The following RNF111 variants were observed in gnomAD, a reference collection of about 807,000 sequenced individuals.
The protein encoded by RNF111 is E3 ubiquitin-protein ligase Arkadia.
In RNF111, 17 loss-of-function variants were observed where a neutral mutation model predicts 95.1. That is an observed-to-expected ratio of 0.18 (90% CI 0.12 to 0.27). The LOEUF is 0.27. Ranked by LOEUF, RNF111 falls within the 10% of genes least tolerant of loss-of-function variation. The probability of loss-of-function intolerance (pLI) is 1.00; values close to 1 mark genes in which losing one functional copy is unlikely to be tolerated. For missense variants in RNF111, 1,189 were observed against 1,210.4 expected (o/e 0.98, Z 0.26); for synonymous variants, 440 against 414.8 (o/e 1.06, Z -0.74).
intron 13 of RNF111, among the ~76,000 whole-genome samples, chr15:59,094,530 T>G (rs1311045753): frequency 1.3e-5 from 2 of 152,180 alleles, no homozygotes; most frequent in Non-Finnish European, 2.9e-5. Flanking sequence ...ACTGGAATAA[T>G]TGGCAGTGTA....
chr15:59,078,565 A>AC (rs2078636811), intron 7 of RNF111, among the ~76,000 whole-genome samples: 1 of 151,032 alleles, frequency 6.6e-6, no homozygotes, highest in African/African-American at 2.4e-5. Context: ...AAAAAAAAAA[A>AC]AAAAAAAAAA....
In RNF111 at chr15:59,031,799, A is replaced by G. The variant is rs1296235824; in HGVS notation, c.880+97A>G. The G allele has an allele frequency of 2.9e-6, 3 of 1,028,898 alleles. No individual in the cohort carries two copies. In the African/African-American group the frequency reaches 4.9e-5, roughly 17 times the overall value. 63.7% of individuals were successfully genotyped at this position (1,028,898 alleles called of 1,614,324 possible). The stretch of plus-strand genomic sequence containing the variant: ...CTTACTGATTTTATTTAAAGGGACT[A>G]TCAGGTTCTATTAACTTTTATTTTT... On this transcript the variant is annotated intron_variant, in intron 2 of 13. Transcript: ENST00000348370.
chr15:59,041,478 A>T (rs145754175), intron 2 of RNF111, among the ~76,000 whole-genome samples: 2,350 of 152,168 alleles, frequency 0.015, 65 homozygotes, highest in African/African-American at 0.054. Context: ...GCTTGAACCC[A>T]GGAGGCGGAG....
intron 5 of RNF111, among the ~76,000 whole-genome samples, chr15:59,059,209 T>C (rs956498357): frequency 6.6e-6 from 1 of 152,118 alleles, no homozygotes; most frequent in African/African-American, 2.4e-5. Context: ...AAGATTTGAA[T>C]AGATATTTCT....
intron 2 of RNF111, among the ~76,000 whole-genome samples, chr15:59,038,875 C>T (rs1207964644): frequency 2.0e-5 from 3 of 152,102 alleles, no homozygotes; most frequent in Non-Finnish European, 4.4e-5. Flanking sequence ...TCTGATCCTT[C>T]CATTATAAAG....
intron 2 of RNF111, among the ~76,000 whole-genome samples, chr15:59,038,394 A>G (rs566627135): frequency 6.6e-6 from 1 of 152,226 alleles, no homozygotes; most frequent in Admixed American, 6.5e-5. Flanking sequence ...GCTTAAAAAG[A>G]TAACCCTTGG....
rs2042170523 is a variant in RNF111 at position 59,055,623 on chromosome 15, T to G, written c.1008-59T>G. On this transcript the variant is annotated intron_variant, in intron 3 of 13. Transcript: ENST00000348370. Reference sequence around the variant, plus strand: ...TTTAGTAAGAAAGGCTTATGGGTTTTTGTGGTGACTAAAAATTCTTTATTT... The same window carrying G: ...TTTAGTAAGAAAGGCTTATGGGTTTGTGTGGTGACTAAAAATTCTTTATTT... 6.1e-6 allele frequency: 8 copies of G among 1,303,240 alleles called. No homozygotes were observed. The South Asian group carries it at 8.4e-5, about 14-fold the overall frequency. The allele number at this position is 1,303,240 out of a possible 1,614,324, so 80.7% of individuals were successfully genotyped here.
At chr15:59,014,697 C>T (rs767826744) in intron 1 of RNF111, among the ~76,000 whole-genome samples, 1 of 151,322 alleles carries the variant, frequency 6.6e-6, no homozygotes, top group Non-Finnish European at 1.5e-5. Flanking sequence ...AGCATGTTAT[C>T]AGGAAAACTG....
chr15:59,067,073 A>G lies in RNF111; in HGVS notation c.1676A>G (p.Tyr559Cys), dbSNP rs748327805. The G allele has an allele frequency of 5.6e-6, 9 of 1,613,350 alleles. No homozygotes were observed. Among genetic ancestry groups the G allele is most frequent in the African/African-American group, 4.0e-5 (3 of 74,860 alleles). ...CGANSSSGTS[Y>C]HEQQALPVDL... ...GCAAATAGTAGTTCTGGTACCAGCT[A>G]TCATGAACAGGTATGTGGAATTTGA... Residue 559 changes from tyrosine (Y) to cysteine (C), a missense_variant, in exon 6 of 14, where the codon TAT (tyrosine) becomes TGT (cysteine). Tyr to Cys is a radical substitution (Grantham distance 194). Transcript: ENST00000348370.
intron 6 of RNF111, among the ~76,000 whole-genome samples, chr15:59,073,329 A>G (rs1453181474): frequency 6.6e-6 from 1 of 151,952 alleles, no homozygotes; most frequent in Non-Finnish European, 1.5e-5. Context: ...ACAAAAATAC[A>G]AAAATTAGGT....
At chr15:58,998,504 G>C (rs1367849833) in intron 1 of RNF111, among the ~76,000 whole-genome samples, 2 of 152,136 alleles carry the variant, frequency 1.3e-5, no homozygotes, top group Non-Finnish European at 2.9e-5. Context: ...ACCAAAGTAT[G>C]ATGCTTATTT....
At chr15:59,011,653 A>T (rs2039821528) in intron 1 of RNF111, among the ~76,000 whole-genome samples, 1 of 152,158 alleles carries the variant, frequency 6.6e-6, no homozygotes, top group Non-Finnish European at 1.5e-5. Context: ...GTGTGTTTGC[A>T]TCCTGATGTT....
chr15:59,043,228 C>T (rs1381006296), intron 2 of RNF111, among the ~76,000 whole-genome samples: 1 of 151,468 alleles, frequency 6.6e-6, no homozygotes, highest in Non-Finnish European at 1.5e-5. Context: ...GATCTCCGCT[C>T]ACTGCAGCCT....
intron 1 of RNF111, among the ~76,000 whole-genome samples, chr15:59,020,187 A>G (rs1166507509): frequency 1.4e-4 from 21 of 149,154 alleles, no homozygotes; most frequent in African/African-American, 4.6e-4. Flanking sequence ...CAAATATACT[A>G]TATATTTTGT....
At chr15:59,084,101 G>T (rs1435314081) in intron 8 of RNF111, 28 bp from the exon 9 acceptor site, 1 of 1,550,334 alleles carries the variant, frequency 6.5e-7, no homozygotes, top group Admixed American at 1.9e-5. Context: ...ATTATTTCCA[G>T]TGGTCTTTTT....
chr15:59,041,009 A>C (rs1223735720), intron 2 of RNF111, among the ~76,000 whole-genome samples: 1 of 152,170 alleles, frequency 6.6e-6, no homozygotes, highest in Non-Finnish European at 1.5e-5. Context: ...AAATATACCC[A>C]AAATATGACC....
chr15:59,061,106 C>T (rs1296095180), intron 5 of RNF111, among the ~76,000 whole-genome samples: 6 of 152,106 alleles, frequency 3.9e-5, no homozygotes, highest in Non-Finnish European at 8.8e-5. Context: ...CTATGTGTAG[C>T]ATTATTCTTA....
At chr15:59,041,959 A>ATTTTTTTTTTTTTTTTTTT (rs775444330) in intron 2 of RNF111, among the ~76,000 whole-genome samples, 2 of 108,454 alleles carry the variant, frequency 1.8e-5, no homozygotes, top group Non-Finnish European at 3.7e-5. Flanking sequence ...CAGTCTGTTC[A>ATTTTTTTTTTTTTTTTTTT]TATTTTTTTT....
intron 7 of RNF111, among the ~76,000 whole-genome samples, chr15:59,079,851 C>T (rs775410767): frequency 6.6e-6 from 1 of 151,934 alleles, no homozygotes; most frequent in East Asian, 1.9e-4. Flanking sequence ...CTTAATGTAG[C>T]ACAGGAATAA....
Sources: allele counts gnomAD v4.1 joint callset (sites outside exome capture counted in the v4.1 genomes callset), GRCh38; gene constraint gnomAD v4.1.1; transcripts MANE v1.5; gene names NCBI Gene and HGNC (gene_info 2026-07-23, HGNC 2026-07-21).